The following PCDHA6 variants were observed in gnomAD, a reference collection of about 807,000 sequenced individuals.
PCDHA6 encodes the protein protocadherin alpha-6.
In PCDHA6, 55 loss-of-function variants were observed where a neutral mutation model predicts 60.3. The observed-to-expected ratio is 0.91, with a 90% CI of 0.73 to 1.14. The LOEUF (loss-of-function observed/expected upper bound fraction) is 1.14. PCDHA6 is among the 50% of genes most tolerant of loss of function. The pLI, the probability that PCDHA6 is intolerant of heterozygous loss-of-function variation, is 0.00. For synonymous variants in PCDHA6, 652 were observed against 557.9 expected (o/e 1.17, Z -2.38); for missense variants, 1,327 against 1,256.5 (o/e 1.06, Z -0.85).
intron 1 of PCDHA6, chr5:140,863,226 C>CCGA: frequency 1.7e-6 from 2 of 1,160,306 alleles, no homozygotes; most frequent in Non-Finnish European, 2.5e-6. Context: ...CGAGGAAGGT[C>CCGA]CCATCGCGGG....
At chr5:140,860,333 A>T (rs147859732) in intron 1 of PCDHA6, 1 of 152,198 alleles carries the variant, frequency 6.6e-6, no homozygotes, top group African/African-American at 2.4e-5. Context: ...GTGACCCATG[A>T]TTGTGCCACT....
intron 1 of PCDHA6, chr5:140,850,366 T>A (rs1226004214): frequency 1.3e-6 from 2 of 1,597,368 alleles, no homozygotes; most frequent in Non-Finnish European, 1.7e-6. Context: ...CCGTTCCGCG[T>A]GGGGCTGTAC....
At chr5:140,968,245 C>T (rs2096233117) in intron 1 of PCDHA6, 2 of 1,614,038 alleles carry the variant, frequency 1.2e-6, no homozygotes, top group Non-Finnish European at 1.7e-6. Flanking sequence ...CTGTGCAAGC[C>T]ACAGACCCAG....
chr5:140,969,281 A>C, intron 1 of PCDHA6: 5 of 1,614,220 alleles, frequency 3.1e-6, no homozygotes, highest in Non-Finnish European at 3.4e-6. Context: ...AAGTGGTCAG[A>C]ATGCTGGGAA....
chr5:140,954,442 G>C (rs2095039188), intron 1 of PCDHA6, among the ~76,000 whole-genome samples: 1 of 151,940 alleles, frequency 6.6e-6, no homozygotes, highest in South Asian at 2.1e-4. Flanking sequence ...GTTGTTTCTG[G>C]ACTTGTTAAT....
intron 1 of PCDHA6, chr5:140,968,696 A>G (rs1554230980): frequency 6.2e-7 from 1 of 1,614,134 alleles, no homozygotes; most frequent in Non-Finnish European, 8.5e-7. Context: ...AGAAATTAGG[A>G]CTACCAGGAA....
chr5:140,925,935 CTCTTGGAG>C (rs35448813), intron 1 of PCDHA6, among the ~76,000 whole-genome samples: 7,062 of 152,190 alleles, frequency 0.046, 287 homozygotes, highest in African/African-American at 0.11. Context: ...CAAGTAGAGC[CTCTTGGAG>C]AAGGAGAAAC....
intron 1 of PCDHA6, chr5:140,871,257 G>A (rs374337862): frequency 1.2e-6 from 2 of 1,613,940 alleles, no homozygotes; most frequent in Admixed American, 1.7e-5. Context: ...TGCTGTATAC[G>A]GCGCTGTGGT....
intron 1 of PCDHA6, among the ~76,000 whole-genome samples, chr5:140,955,351 A>G (rs246019): frequency 0.56 from 85,599 of 151,868 alleles, 24,746 homozygotes; most frequent in African/African-American, 0.69. Flanking sequence ...ACATGTTGTG[A>G]GAGGGACCCA....
At chr5:140,835,184 A>G in intron 1 of PCDHA6, 2 of 1,525,540 alleles carry the variant, frequency 1.3e-6, no homozygotes, top group Non-Finnish European at 1.8e-6. Flanking sequence ...CCAATGCCTC[A>G]GATTTAGACG....
At chr5:140,848,906 A>G (rs2150424072) in intron 1 of PCDHA6, 1 of 1,608,234 alleles carries the variant, frequency 6.2e-7, no homozygotes, top group African/African-American at 1.4e-5. Flanking sequence ...CAGCGACACA[A>G]AAGAATCTGT....
chr5:140,915,513 A>T (rs2077156707), intron 1 of PCDHA6, among the ~76,000 whole-genome samples: 2 of 152,124 alleles, frequency 1.3e-5, no homozygotes, highest in African/African-American at 2.4e-5. Context: ...GTTTTTGCAG[A>T]CTAGTAGAGG....
intron 3 of PCDHA6, among the ~76,000 whole-genome samples, chr5:140,983,792 ATG>A (rs1384223147): frequency 6.6e-6 from 1 of 152,212 alleles, no homozygotes; most frequent in Non-Finnish European, 1.5e-5. Context: ...AGATGACAGA[ATG>A]TGTGTGTAAA....
intron 1 of PCDHA6, among the ~76,000 whole-genome samples, chr5:140,911,460 G>A (rs1346001317): frequency 1.3e-5 from 2 of 152,140 alleles, no homozygotes; most frequent in African/African-American, 4.8e-5. Context: ...TTTCTCTACA[G>A]GAGATAAGAC....
intron 1 of PCDHA6, among the ~76,000 whole-genome samples, chr5:140,924,043 G>C (rs2081638586): frequency 6.6e-6 from 1 of 152,176 alleles, no homozygotes; most frequent in Non-Finnish European, 1.5e-5. Flanking sequence ...AGACCTAAAA[G>C]TTCGGTACAT....
At chr5:140,832,340 G>T (rs2150201175) in intron 1 of PCDHA6, among the ~76,000 whole-genome samples, 2 of 152,234 alleles carry the variant, frequency 1.3e-5, no homozygotes, top group African/African-American at 4.8e-5. Flanking sequence ...ACTGAGTTGT[G>T]GTTTGTGTTT....
intron 1 of PCDHA6, among the ~76,000 whole-genome samples, chr5:140,973,706 G>A (rs143845626): frequency 4.6e-5 from 7 of 152,274 alleles, no homozygotes; most frequent in South Asian, 4.1e-4. Context: ...TCTGACCCAG[G>A]AGTGAGCCAT....
chr5:140,893,294 T>C (rs539821362), intron 1 of PCDHA6, among the ~76,000 whole-genome samples: 97 of 152,304 alleles, frequency 6.4e-4, no homozygotes, highest in African/African-American at 2.3e-3. Flanking sequence ...ATATGGTAGT[T>C]CTATTTGTAG....
chr5:140,836,170 C>T lies in PCDHA6; in HGVS notation c.2394+5685C>T. 1.9e-6 allele frequency: 3 copies of T among 1,613,826 alleles called. 1 individual carries two copies. The highest frequency in any genetic ancestry group is 2.5e-6 in the Non-Finnish European group (3 of 1,179,794). On this transcript the variant is annotated intron_variant, in intron 1 of 3. Transcript: ENST00000529310. ...GGCCATGTGGTGGCGAAGGTACGTG[C>T]AGTTGACGCTGACTCAGGCTACAAC...
Sources: gnomAD v4.1 joint callset for allele counts (sites outside exome capture counted in the v4.1 genomes callset) on GRCh38, gnomAD v4.1.1 for gene constraint, MANE v1.5 for transcripts, NCBI Gene and HGNC (gene_info 2026-07-23, HGNC 2026-07-21) for gene names.